ZZZ3: variants seen among roughly 807,000 people sequenced by gnomAD.
ZZZ3 encodes ZZ-type zinc finger-containing protein 3.
A neutral mutation model predicts 95.2 loss-of-function variants in ZZZ3; 22 were observed. The ratio of observed to expected loss-of-function variants is 0.23; its 90% CI spans 0.17 to 0.33. The LOEUF is 0.33. Ranked by LOEUF, ZZZ3 falls within the 10% of genes least tolerant of loss-of-function variation. The pLI, the probability that ZZZ3 is intolerant of heterozygous loss-of-function variation, is 1.00. For missense variants in ZZZ3, 885 were observed against 1,066.5 expected (o/e 0.83, Z 2.37); for synonymous variants, 335 against 358.9 (o/e 0.93, Z 0.75).
chr1:77,603,882 G>A (rs187666417), intron 5 of ZZZ3, among the ~76,000 whole-genome samples: 1 of 152,270 alleles, frequency 6.6e-6, no homozygotes, highest in Non-Finnish European at 1.5e-5. Flanking sequence ...ATATCAAGCA[G>A]GCTGGGTGGA....
At chr1:77,679,630 C>T (rs1265920108) in intron 1 of ZZZ3, among the ~76,000 whole-genome samples, 5 of 152,140 alleles carry the variant, frequency 3.3e-5, no homozygotes, top group Non-Finnish European at 7.3e-5. Context: ...GGCATGGTGT[C>T]AGACCTTAAG....
intron 1 of ZZZ3, among the ~76,000 whole-genome samples, chr1:77,670,879 C>T (rs1278187805): frequency 6.6e-6 from 1 of 151,596 alleles, no homozygotes; most frequent in African/African-American, 2.4e-5. Context: ...TTATACAAAA[C>T]GTGAAACAAA....
chr1:77,637,833 C>T (rs925654698), intron 4 of ZZZ3, among the ~76,000 whole-genome samples: 1 of 152,014 alleles, frequency 6.6e-6, no homozygotes. Flanking sequence ...TATATTTCTG[C>T]CAAATATTGT....
intron 1 of ZZZ3, among the ~76,000 whole-genome samples, chr1:77,675,763 C>T (rs1672206361): frequency 6.6e-6 from 1 of 152,004 alleles, no homozygotes; most frequent in Non-Finnish European, 1.5e-5. Flanking sequence ...AAAATGTAAA[C>T]AAACATAAAT....
rs574559989 is a variant in ZZZ3, at chr1:77,589,405, A to T, written c.1506-4750T>A. 5.4e-5 allele frequency among the ~76,000 whole-genome samples: 8 copies of T among 149,174 alleles called. No homozygotes were observed. In the South Asian group the frequency reaches 1.7e-3, roughly 32 times the overall value. ...GAACATCAAGGAATTAGCAATCTGG[A>T]GGTTGATTTTATTTATTTATTTATT... On this transcript the variant is annotated intron_variant, in intron 5 of 14. Transcript: ENST00000370801.
In ZZZ3 at chr1:77,563,741, A is replaced by C. The variant is rs1027989422; in HGVS notation, c.*1899T>G. 6.6e-6 allele frequency: 1 copy of C among 152,218 alleles called. No individual in the cohort carries two copies. 9.4% of individuals were successfully genotyped at this position (152,218 alleles called of 1,614,324 possible). On this transcript the variant is annotated 3_prime_UTR_variant, in exon 15 of 15. Coordinates refer to ENST00000370801, the MANE Select transcript of ZZZ3 (RefSeq NM_015534.6). ...CTTCTGGCATATTCACAAAACATTTAATATAAAAACGCCCAGAATGCTAAT... is the reference window on the plus strand; with the variant it reads ...CTTCTGGCATATTCACAAAACATTTCATATAAAAACGCCCAGAATGCTAAT...
At chr1:77,679,671 T>A (rs1672574229) in intron 1 of ZZZ3, among the ~76,000 whole-genome samples, 1 of 152,192 alleles carries the variant, frequency 6.6e-6, no homozygotes, top group Non-Finnish European at 1.5e-5. Flanking sequence ...AAATCAGTAT[T>A]ATTATATTAT....
At chr1:77,671,410 T>C (rs1267676103) in intron 1 of ZZZ3, among the ~76,000 whole-genome samples, 1 of 152,186 alleles carries the variant, frequency 6.6e-6, no homozygotes, top group Non-Finnish European at 1.5e-5. Flanking sequence ...AAAAAATTCA[T>C]TAGAATATAA....
chr1:77,628,220 T>G (rs1312406303), intron 5 of ZZZ3, among the ~76,000 whole-genome samples: 1 of 152,184 alleles, frequency 6.6e-6, no homozygotes, highest in South Asian at 2.1e-4. Flanking sequence ...AATCATTAGG[T>G]ACTGTATTAT....
intron 4 of ZZZ3, among the ~76,000 whole-genome samples, chr1:77,637,135 G>A (rs1287266879): frequency 6.6e-6 from 1 of 152,148 alleles, no homozygotes; most frequent in African/African-American, 2.4e-5. Flanking sequence ...CACTGCCTTA[G>A]GCTAGTGAAC....
At chr1:77,628,993 C>CT (rs995368972) in intron 5 of ZZZ3, among the ~76,000 whole-genome samples, 5 of 152,096 alleles carry the variant, frequency 3.3e-5, no homozygotes, top group African/African-American at 1.2e-4. Flanking sequence ...CTTCAAGTGC[C>CT]TTTTTTTAAA....
At chr1:77,591,501 C>T (rs563324136) in intron 5 of ZZZ3, among the ~76,000 whole-genome samples, 3 of 152,264 alleles carry the variant, frequency 2.0e-5, no homozygotes, top group African/African-American at 4.8e-5. Flanking sequence ...AGCACCATGC[C>T]TGGCTAATTT....
At chr1:77,682,327 G>A (rs1452883222) in intron 1 of ZZZ3, among the ~76,000 whole-genome samples, 1 of 152,210 alleles carries the variant, frequency 6.6e-6, no homozygotes, top group Non-Finnish European at 1.5e-5. Context: ...GGTATCCAAT[G>A]GAATCATCAG....
At chr1:77,639,108 C>CATG (rs2100889197) in intron 4 of ZZZ3, among the ~76,000 whole-genome samples, 1 of 152,152 alleles carries the variant, frequency 6.6e-6, no homozygotes, top group East Asian at 1.9e-4. Flanking sequence ...GATAAGCGGA[C>CATG]AGTCAGACAG....
intron 1 of ZZZ3, among the ~76,000 whole-genome samples, chr1:77,656,565 T>A (rs1247597832): frequency 6.6e-6 from 1 of 152,242 alleles, no homozygotes; most frequent in African/African-American, 2.4e-5. Context: ...CTCCCTGAAA[T>A]ATCTTTTGAT....
At chr1:77,603,138 AT>A (rs2100685762) in intron 5 of ZZZ3, among the ~76,000 whole-genome samples, 1 of 151,796 alleles carries the variant, frequency 6.6e-6, no homozygotes, top group Non-Finnish European at 1.5e-5. Context: ...GTGCAGTAGG[AT>A]ACGATCATGG....
Position 77,632,393 on chromosome 1 carries a change from A to C in ZZZ3, c.962T>G (p.Val321Gly). The C allele has an allele frequency of 6.2e-7, 1 of 1,614,012 alleles. No individual in the cohort carries two copies. Residue 321 changes from valine to glycine, a missense_variant, in exon 5 of 15, where the codon GTG becomes GGG. Physicochemically the swap from Val to Gly is moderately radical, Grantham distance 109. This residue lies in a region of ZZZ3 where 556 missense variants were observed against 652.9 expected (regional missense o/e 0.85). Coordinates refer to ENST00000370801, the MANE Select transcript of ZZZ3 (RefSeq NM_015534.6). ...LRDSEEEVDV[V>G]GDSSASKEQC... ...CTCTTTTGAGGCACTGCTATCTCCC[A>C]CCACATCTACTTCCTCCTCAGAATC... is the stretch of plus-strand genomic sequence containing the variant.
At chr1:77,647,571 C>T (rs1349095372) in intron 1 of ZZZ3, among the ~76,000 whole-genome samples, 1 of 150,928 alleles carries the variant, frequency 6.6e-6, no homozygotes, top group Non-Finnish European at 1.5e-5. Context: ...CATGAGTGCA[C>T]AAAAACAGTA....
intron 5 of ZZZ3, 113 bp downstream of exon 5, chr1:77,631,737 A>G: frequency 1.1e-6 from 1 of 901,922 alleles, no homozygotes; most frequent in Non-Finnish European, 1.6e-6. Flanking sequence ...TTAAACCTAA[A>G]ATTTTAGTGA....
Sources: gnomAD v4.1 joint callset for allele counts (sites outside exome capture counted in the v4.1 genomes callset) on GRCh38, gnomAD v4.1.1 for gene constraint, gnomAD v4.1.1 regional missense constraint, MANE v1.5 for transcripts, NCBI Gene and HGNC (gene_info 2026-07-23, HGNC 2026-07-21) for gene names.